Variants in NFYC observed in about 807,000 individuals in gnomAD.
The protein encoded by NFYC is CAAT box DNA-binding protein subunit C.
In NFYC, 25 loss-of-function variants were observed where a neutral mutation model predicts 53.1. The observed-to-expected ratio is 0.47, with a 90% CI of 0.34 to 0.66. The LOEUF (loss-of-function observed/expected upper bound fraction) is 0.66, where lower values mean the gene tolerates loss of function less well. Among genes scored for constraint, NFYC ranks in the 30% least tolerant of loss-of-function variants. The pLI is 0.01. For synonymous variants in NFYC, 145 were observed against 152.6 expected, an observed-to-expected ratio of 0.95 and a Z score of 0.37; for missense variants, 260 against 422.7, an observed-to-expected ratio of 0.62 and a Z score of 3.38.
intron 3 of NFYC, 69 bp downstream of exon 3, chr1:40,747,674 C>G: frequency 1.0e-6 from 1 of 995,956 alleles, no homozygotes. Flanking sequence ...GCTCATTTCT[C>G]TAGAGCTCAA....
At chr1:40,751,107 C>G (rs1231659844) in intron 4 of NFYC, among the ~76,000 whole-genome samples, 1 of 152,162 alleles carries the variant, frequency 6.6e-6, no homozygotes, top group African/African-American at 2.4e-5. Context: ...TTTATACTAC[C>G]TCAAAACTGG....
chr1:40,708,159 A>G (rs1643810927), intron 1 of NFYC, among the ~76,000 whole-genome samples: 1 of 152,146 alleles, frequency 6.6e-6, no homozygotes, highest in Admixed American at 6.6e-5. Flanking sequence ...TATTTAAAGT[A>G]TGGAGGAAGC....
At chr1:40,712,532 A>G (rs1288129752) in intron 1 of NFYC, 1 of 140,148 alleles carries the variant, frequency 7.1e-6, no homozygotes, top group African/African-American at 2.8e-5. Context: ...TGTATACCAA[A>G]TATTTATAAA....
At chr1:40,728,481 C>T (rs1336151475) in intron 1 of NFYC, among the ~76,000 whole-genome samples, 5 of 151,878 alleles carry the variant, frequency 3.3e-5, no homozygotes, top group South Asian at 2.1e-4. Context: ...CCTGCCATCC[C>T]AGCTACTCGG....
chr1:40,743,058 AC>A (rs1645435297), intron 2 of NFYC, among the ~76,000 whole-genome samples: 1 of 152,264 alleles, frequency 6.6e-6, no homozygotes, highest in South Asian at 2.1e-4. Context: ...AGTAAAACTT[AC>A]GAGAATATTC....
At chr1:40,754,591 A>G (rs748352617) in intron 5 of NFYC, 4 of 368,932 alleles carry the variant, frequency 1.1e-5, no homozygotes, top group Non-Finnish European at 2.2e-5. Flanking sequence ...AACAAAGAGT[A>G]TCATACACCT....
chr1:40,713,843 T>C (rs542062561), intron 1 of NFYC, among the ~76,000 whole-genome samples: 1 of 152,368 alleles, frequency 6.6e-6, no homozygotes, highest in African/African-American at 2.4e-5. Flanking sequence ...ATAGGCTTGC[T>C]GTTTGGGTAT....
intron 3 of NFYC, 22 bp downstream of exon 3, chr1:40,747,627 T>C: frequency 6.6e-7 from 1 of 1,522,500 alleles, no homozygotes; most frequent in Non-Finnish European, 9.1e-7. Context: ...TTCATTTTTA[T>C]TATTTCTTAT....
chr1:40,754,331 C>T (rs773731919), intron 5 of NFYC: 1 of 534,442 alleles, frequency 1.9e-6, no homozygotes, highest in Non-Finnish European at 3.8e-6. Context: ...GTAGGGTGTG[C>T]CTCACTGCGT....
chr1:40,716,325 T>C (rs1570395788), intron 1 of NFYC, among the ~76,000 whole-genome samples: 1 of 151,248 alleles, frequency 6.6e-6, no homozygotes, highest in South Asian at 2.1e-4. Context: ...CTCAGGGAGG[T>C]AGGGACAAGG....
In NFYC at chr1:40,762,975, A is replaced by G; in HGVS notation, c.649A>G (p.Ser217Gly). ...ACAGGGTCAAGCCCAACAGGCCCAG[A>G]GTGGCACTGGACAGACCATGCAGGT... ...QPQGQAQQAQ[S>G]GTGQTMQVMQ... Residue 217 changes from serine (S) to glycine (G), a missense_variant, in exon 7 of 10, where the codon AGT (serine) becomes GGT (glycine). Coordinates refer to ENST00000447388, the MANE Select transcript of NFYC (RefSeq NM_014223.5). 1 of 1,612,386 alleles carries G rather than the reference A, an allele frequency of 6.2e-7. No individual in the cohort carries two copies. Among genetic ancestry groups the G allele is most frequent in the Non-Finnish European group, 8.5e-7 (1 of 1,179,108 alleles).
chr1:40,738,065 G>A (rs1021513254), intron 1 of NFYC, among the ~76,000 whole-genome samples: 9 of 151,958 alleles, frequency 5.9e-5, no homozygotes, highest in Admixed American at 2.6e-4. Context: ...ACTACGCCCG[G>A]CTAATTTTTT....
rs773469786 is a variant in NFYC, at chr1:40,762,894, C to T, written c.568C>T (p.Pro190Ser). ...IAQPQQGQTT[P>S]VTMQVGEGQQ... ...TCATAACTCTTCCTTTCAGACCACA[C>T]CTGTGACAATGCAGGTTGGAGAAGG... Residue 190 changes from proline to serine, a missense_variant, in exon 7 of 10, where the codon CCT becomes TCT. Physicochemically the swap from Pro to Ser is moderately conservative, Grantham distance 74. Coordinates refer to ENST00000447388, the MANE Select transcript of NFYC (RefSeq NM_014223.5). 2.5e-6 allele frequency: 4 copies of T among 1,600,814 alleles called. No individual in the cohort carries two copies. Among genetic ancestry groups the T allele is most frequent in the African/African-American group, 1.3e-5 (1 of 74,436 alleles).
intron 8 of NFYC, chr1:40,769,062 CAG>C (rs1646960954): frequency 2.9e-6 from 1 of 344,832 alleles, no homozygotes; most frequent in Non-Finnish European, 5.5e-6. Flanking sequence ...GTTTGAGCCT[CAG>C]AGTTTGAGAT....
chr1:40,739,976 G>T (rs1253401251), intron 2 of NFYC, among the ~76,000 whole-genome samples: 4 of 152,208 alleles, frequency 2.6e-5, no homozygotes, highest in African/African-American at 9.6e-5. Context: ...TGTGTGTTTA[G>T]TGGAGGTTGA....
At chr1:40,694,707 T>C (rs1643030596) in intron 1 of NFYC, among the ~76,000 whole-genome samples, 1 of 152,076 alleles carries the variant, frequency 6.6e-6, no homozygotes, top group South Asian at 2.1e-4. Flanking sequence ...GGTGACCACC[T>C]TCATTCCATG....
chr1:40,733,980 C>T (rs1644897864), intron 1 of NFYC, among the ~76,000 whole-genome samples: 1 of 152,172 alleles, frequency 6.6e-6, no homozygotes, highest in African/African-American at 2.4e-5. Context: ...CTCCTGACCT[C>T]AAGTGATCCT....
intron 1 of NFYC, among the ~76,000 whole-genome samples, chr1:40,710,003 T>G (rs1350943694): frequency 6.6e-6 from 1 of 152,226 alleles, no homozygotes; most frequent in Non-Finnish European, 1.5e-5. Flanking sequence ...TTGACATCTG[T>G]GTTTTCAGAT....
chr1:40,723,504 T>A (rs977173038), intron 1 of NFYC, among the ~76,000 whole-genome samples: 1 of 152,084 alleles, frequency 6.6e-6, no homozygotes, highest in Admixed American at 6.5e-5. Flanking sequence ...TAATTGAGGA[T>A]GAACAGGTGA....
Sources: allele counts gnomAD v4.1 joint callset (sites outside exome capture counted in the v4.1 genomes callset), GRCh38; gene constraint gnomAD v4.1.1; transcripts MANE v1.5; gene names NCBI Gene and HGNC (gene_info 2026-07-23, HGNC 2026-07-21).